ST7: variants seen among roughly 807,000 people sequenced by gnomAD.
The protein encoded by ST7 is suppression of tumorigenicity 7, also known as suppressor of tumorigenicity 7 protein.
A neutral mutation model predicts 78.7 loss-of-function variants in ST7; 28 were observed. The ratio of observed to expected loss-of-function variants is 0.36; its 90% CI spans 0.26 to 0.49. ST7 has a LOEUF of 0.49. ST7 is among the 20% of genes least tolerant of loss of function. ST7 has a pLI of 0.99. For synonymous variants in ST7, 247 were observed against 249.6 expected (o/e 0.99, Z 0.10); for missense variants, 418 against 696.0 (o/e 0.60, Z 4.49).
chr7:117,066,042 G>C (rs1584553556), intron 1 of ST7, among the ~76,000 whole-genome samples: 1 of 152,124 alleles, frequency 6.6e-6, no homozygotes, highest in African/African-American at 2.4e-5. Context: ...TCAGATTTCA[G>C]CCCAAATGTC....
intron 1 of ST7, chr7:116,959,658 G>A (rs1792720139): frequency 6.5e-6 from 1 of 153,622 alleles, no homozygotes; most frequent in African/African-American, 2.4e-5. Flanking sequence ...TGGGCCATAT[G>A]CATCTAAAGC....
intron 12 of ST7, among the ~76,000 whole-genome samples, chr7:117,206,157 A>T (rs1389638572): frequency 6.6e-6 from 1 of 152,202 alleles, no homozygotes; most frequent in East Asian, 1.9e-4. Context: ...ATTATAAAGG[A>T]GTGTAAATCT....
rs1391252633 is a variant in ST7, at chr7:117,079,253, G to A, written c.152-20509G>A. Among the ~76,000 whole-genome samples, 3 of 152,092 alleles carry A rather than the reference G, an allele frequency of 2.0e-5. No individual in the cohort carries two copies. The East Asian group carries it at 5.8e-4, about 29-fold the overall frequency. On this transcript the variant is annotated intron_variant, in intron 1 of 15. Coordinates refer to ENST00000323984, the MANE Select transcript of ST7 (RefSeq NM_001369598.1). ...TAGATATGGTTTAAAGTATACAGGA[G>A]GATGTGCATAAGTTATAAGCAAATA...
chr7:117,103,854 T>A (rs1446648385), intron 2 of ST7, among the ~76,000 whole-genome samples: 1 of 152,100 alleles, frequency 6.6e-6, no homozygotes, highest in Admixed American at 6.5e-5. Flanking sequence ...TCTAAGAGAT[T>A]AATAACCAGA....
chr7:116,994,081 G>A (rs1273224343), intron 1 of ST7, among the ~76,000 whole-genome samples: 3 of 152,092 alleles, frequency 2.0e-5, no homozygotes, highest in Non-Finnish European at 1.5e-5. Context: ...ACATTGTTAT[G>A]CAGTCGTCAC....
At chr7:117,001,931 A>G (rs554261379) in intron 1 of ST7, among the ~76,000 whole-genome samples, 106 of 152,320 alleles carry the variant, frequency 7.0e-4, no homozygotes, top group Non-Finnish European at 1.3e-3. Context: ...CTTTCTTTTT[A>G]AAATGTTTTA....
At chr7:117,113,517 G>A (rs182971712) in intron 2 of ST7, among the ~76,000 whole-genome samples, 1 of 152,318 alleles carries the variant, frequency 6.6e-6, no homozygotes, top group East Asian at 1.9e-4. Flanking sequence ...CCATGGGTTA[G>A]GCCAGATTTG....
chr7:117,067,024 C>T lies in ST7; in HGVS notation c.152-32738C>T, dbSNP rs1329293146. Among the ~76,000 whole-genome samples, 4 of 152,146 alleles carry T rather than the reference C, an allele frequency of 2.6e-5. No individual in the cohort carries two copies. In the East Asian group the frequency reaches 7.7e-4, roughly 29 times the overall value. On this transcript the variant is annotated intron_variant, in intron 1 of 15. Coordinates refer to ENST00000323984, the MANE Select transcript of ST7 (RefSeq NM_001369598.1). ...ACATTTGGCCTTTTGTGAATGGCTT[C>T]TTTCATTTAGCCTAATGTTTTCAAG...
At chr7:117,150,429 A>T (rs1441490967) in intron 9 of ST7, among the ~76,000 whole-genome samples, 1 of 152,004 alleles carries the variant, frequency 6.6e-6, no homozygotes, top group African/African-American at 2.4e-5. Context: ...TAGCTTTTTT[A>T]AGCTCTTCAG....
At chr7:117,028,267 C>G (rs1260151760) in intron 1 of ST7, among the ~76,000 whole-genome samples, 2 of 152,102 alleles carry the variant, frequency 1.3e-5, no homozygotes, top group African/African-American at 4.8e-5. Flanking sequence ...TTATGTACAG[C>G]ATGAAAATTG....
intron 1 of ST7, chr7:117,076,617 A>G (rs1373023286): frequency 6.6e-6 from 1 of 152,450 alleles, no homozygotes; most frequent in African/African-American, 2.4e-5. Flanking sequence ...ACTCAGACCC[A>G]CTGCCTTCCA....
At chr7:117,148,302 A>G (rs1156587915) in intron 9 of ST7, among the ~76,000 whole-genome samples, 1 of 152,142 alleles carries the variant, frequency 6.6e-6, no homozygotes, top group East Asian at 1.9e-4. Context: ...ATTTTTTAAC[A>G]TATGTTAAGA....
intron 1 of ST7, among the ~76,000 whole-genome samples, chr7:116,957,786 C>A (rs1414797877): frequency 6.6e-6 from 1 of 152,162 alleles, no homozygotes; most frequent in Non-Finnish European, 1.5e-5. Flanking sequence ...TTCTCATCTA[C>A]CCTATGTTAT....
Position 117,220,546 on chromosome 7 carries a change from T to A in ST7, c.1498+1370T>A, listed in dbSNP as rs553890765. Reference sequence around the variant, plus strand: ...CAATTAAGTTTCCATGGGGATAGATTAGTTATTAGAACAAGATTACAGTTC... The same window carrying A: ...CAATTAAGTTTCCATGGGGATAGATAAGTTATTAGAACAAGATTACAGTTC... On this transcript the variant is annotated intron_variant, in intron 14 of 15. Coordinates refer to ENST00000323984, the MANE Select transcript of ST7 (RefSeq NM_001369598.1). Among the ~76,000 whole-genome samples, 5 of 152,338 alleles carry A rather than the reference T, an allele frequency of 3.3e-5. No homozygotes were observed. In the East Asian group the frequency reaches 9.6e-4, roughly 29 times the overall value.
intron 9 of ST7, among the ~76,000 whole-genome samples, chr7:117,169,082 A>G (rs183531520): frequency 6.6e-6 from 1 of 151,166 alleles, no homozygotes; most frequent in East Asian, 1.9e-4. Context: ...CTTTTTTTGA[A>G]CCTGGTTAAC....
rs566690961 is a variant in ST7 at position 117,165,903 on chromosome 7, G to A, written c.964-4959G>A. Among the ~76,000 whole-genome samples the A allele has an allele frequency of 1.3e-4, 20 of 152,286 alleles. No individual in the cohort carries two copies. In the South Asian group the frequency reaches 3.7e-3, roughly 28 times the overall value. On this transcript the variant is annotated intron_variant, in intron 9 of 15. Transcript: ENST00000323984. ...CTGAAAGCTGTTCTATGCCAGATGCGTGGTGCGTGTGAAGTGGCTAGAAGT... is the reference window on the plus strand; with the variant it reads ...CTGAAAGCTGTTCTATGCCAGATGCATGGTGCGTGTGAAGTGGCTAGAAGT...
At chr7:117,114,574 C>G (rs1295921456) in intron 2 of ST7, among the ~76,000 whole-genome samples, 3 of 152,172 alleles carry the variant, frequency 2.0e-5, no homozygotes, top group African/African-American at 4.8e-5. Flanking sequence ...TACTTTAATT[C>G]TTAAGAAGCA....
At chr7:117,017,422 T>A (rs562337480) in intron 1 of ST7, among the ~76,000 whole-genome samples, 56 of 152,332 alleles carry the variant, frequency 3.7e-4, no homozygotes, top group Admixed American at 1.6e-3. Context: ...CTATAATTGT[T>A]CTTTGTCAAT....
At chr7:116,974,367 A>G (rs556411492) in intron 1 of ST7, among the ~76,000 whole-genome samples, 49 of 151,162 alleles carry the variant, frequency 3.2e-4, no homozygotes, top group African/African-American at 1.2e-3. Context: ...GGCTCACTGC[A>G]AGCTCCGCCT....
Sources: allele counts gnomAD v4.1 joint callset (sites outside exome capture counted in the v4.1 genomes callset), GRCh38; gene constraint gnomAD v4.1.1; transcripts MANE v1.5; gene names NCBI Gene and HGNC (gene_info 2026-07-23, HGNC 2026-07-21).